ETS1: variants seen among roughly 807,000 people sequenced by gnomAD.
ETS1 encodes the protein ETS proto-oncogene 1, transcription factor, also known as protein C-ets-1.
ETS1 carries 15 observed loss-of-function variants against 58.6 expected under a neutral mutation model. The ratio of observed to expected loss-of-function variants is 0.26; its 90% CI spans 0.17 to 0.39. The LOEUF (loss-of-function observed/expected upper bound fraction) is 0.39, where lower values mean the gene tolerates loss of function less well. Among genes scored for constraint, ETS1 ranks in the 10% least tolerant of loss-of-function variants. The pLI is 1.00. For synonymous variants in ETS1, 214 were observed against 218.2 expected (o/e 0.98, Z 0.17); for missense variants, 417 against 610.5 (o/e 0.68, Z 3.34).
rs1399369903 is a variant in ETS1 at position 128,549,189 on chromosome 11, C to T, written c.214+7102G>A. On this transcript the variant is annotated intron_variant, in intron 3 of 9. Transcript: ENST00000392668. This position sits in a 1 kb window ranked among gnomAD's most constrained non-coding sequence, Gnocchi z 4.3. ...ACATCTGGAGAGAGAGCCCGTGTCT[C>T]TAGGCGGCCAGACACAGCACTACAG... Among the ~76,000 whole-genome samples, 1 of 152,224 alleles carries T rather than the reference C, an allele frequency of 6.6e-6. No homozygotes were observed. Among genetic ancestry groups the T allele is most frequent in the Non-Finnish European group, 1.5e-5 (1 of 68,030 alleles).
intron 7 of ETS1, among the ~76,000 whole-genome samples, chr11:128,483,379 C>T (rs1423670037): frequency 6.6e-6 from 1 of 152,168 alleles, no homozygotes; most frequent in Admixed American, 6.5e-5. Context: ...CATGGCTGAG[C>T]CCAAACCCAC....
chr11:128,505,599 C>T (rs745570231), intron 3 of ETS1, among the ~76,000 whole-genome samples: 16 of 152,168 alleles, frequency 1.1e-4, no homozygotes, highest in Non-Finnish European at 2.1e-4. Flanking sequence ...GGGCAGACAG[C>T]CTCAGACGCC....
At chr11:128,529,999 C>A (rs1002008596) in intron 3 of ETS1, 2 of 152,112 alleles carry the variant, frequency 1.3e-5, no homozygotes, top group Admixed American at 6.5e-5. Context: ...TATGCAGGAA[C>A]ATAAATTCAT....
At chr11:128,483,813 G>A (rs1862553715) in intron 7 of ETS1, among the ~76,000 whole-genome samples, 2 of 152,186 alleles carry the variant, frequency 1.3e-5, no homozygotes, top group African/African-American at 2.4e-5. Flanking sequence ...GTCAGTCATT[G>A]AGCAGAAATC....
intron 3 of ETS1, among the ~76,000 whole-genome samples, chr11:128,520,967 T>C (rs1863651737): frequency 6.6e-6 from 1 of 152,172 alleles, no homozygotes; most frequent in Admixed American, 6.5e-5. Flanking sequence ...GCCTTCTCCC[T>C]AGATCTTTCT....
Position 128,463,483 on chromosome 11 carries a change from G to T in ETS1, c.1242+26C>A. 1 of 1,257,036 alleles carries T rather than the reference G, an allele frequency of 8.0e-7. No homozygotes were observed. Among genetic ancestry groups the T allele is most frequent in the Non-Finnish European group, 1.2e-6 (1 of 854,360 alleles). The allele number at this position is 1,257,036 out of a possible 1,614,324, so 77.9% of individuals were successfully genotyped here. On this transcript the variant is annotated intron_variant, in intron 9 of 9. Transcript: ENST00000392668. The surrounding 1 kb of genome is among the most constrained non-coding windows in gnomAD (Gnocchi z 4.1). ...TTTTCTCTCATCCTTCCTCAACACAGTACTCGCAAGCCCCTCCTTCCTTAC... is the reference window on the plus strand; with the variant it reads ...TTTTCTCTCATCCTTCCTCAACACATTACTCGCAAGCCCCTCCTTCCTTAC...
intron 3 of ETS1, among the ~76,000 whole-genome samples, chr11:128,545,553 C>T (rs1432171716): frequency 6.6e-6 from 1 of 152,066 alleles, no homozygotes; most frequent in Non-Finnish European, 1.5e-5. Flanking sequence ...AGCAAAAGAC[C>T]ACATATGTGC....
At chr11:128,557,171 G>A (rs1017915626) in intron 2 of ETS1, among the ~76,000 whole-genome samples, 1 of 152,058 alleles carries the variant, frequency 6.6e-6, no homozygotes, top group Non-Finnish European at 1.5e-5. Context: ...ATGGAGCCTG[G>A]GCCTGTTCCT....
chr11:128,508,565 A>G (rs997036816), intron 3 of ETS1, among the ~76,000 whole-genome samples: 1 of 152,174 alleles, frequency 6.6e-6, no homozygotes, highest in Admixed American at 6.5e-5. Flanking sequence ...ATTACTTACT[A>G]TCAAGCACCC....
chr11:128,575,821 A>G (rs1371273700), intron 1 of ETS1, among the ~76,000 whole-genome samples: 1 of 152,232 alleles, frequency 6.6e-6, no homozygotes, highest in Non-Finnish European at 1.5e-5. Context: ...ACAAGTGGCA[A>G]AGGACCTTCA....
At chr11:128,506,447 C>A (rs1863235965) in intron 3 of ETS1, among the ~76,000 whole-genome samples, 1 of 152,158 alleles carries the variant, frequency 6.6e-6, no homozygotes, top group Admixed American at 6.5e-5. Flanking sequence ...TAGCTATATG[C>A]TCACAACAGA....
At chr11:128,468,874 T>A (rs12293821) in intron 8 of ETS1, among the ~76,000 whole-genome samples, 31,886 of 152,198 alleles carry the variant, frequency 0.21, 3,627 homozygotes, top group African/African-American at 0.22. Flanking sequence ...GTTGAATGAC[T>A]GTGTCATTTG....
intron 2 of ETS1, among the ~76,000 whole-genome samples, chr11:128,558,986 G>T (rs1011356872): frequency 6.6e-6 from 1 of 152,176 alleles, no homozygotes; most frequent in Non-Finnish European, 1.5e-5. Flanking sequence ...GGTCTTGAGT[G>T]AGAAAATTTT....
intron 2 of ETS1, among the ~76,000 whole-genome samples, chr11:128,569,318 C>CTTTTTTTTT (rs398018017): frequency 0.011 from 429 of 39,430 alleles, 114 homozygotes; most frequent in African/African-American, 0.024. Flanking sequence ...AGAGTTTCTT[C>CTTTTTTTTT]TTTTTTTTTT....
intron 8 of ETS1, among the ~76,000 whole-genome samples, chr11:128,470,222 A>C (rs979095319): frequency 1.3e-5 from 2 of 152,194 alleles, no homozygotes; most frequent in African/African-American, 4.8e-5. Context: ...TTAGATCAAA[A>C]ACGAAAGGAG....
intron 3 of ETS1, among the ~76,000 whole-genome samples, chr11:128,515,951 G>C (rs972330091): frequency 6.6e-6 from 1 of 152,170 alleles, no homozygotes; most frequent in Non-Finnish European, 1.5e-5. Context: ...TGGGAAATAT[G>C]ACAGCGTTGG....
intron 8 of ETS1, among the ~76,000 whole-genome samples, chr11:128,473,708 C>T (rs1197144219): frequency 6.6e-6 from 1 of 152,170 alleles, no homozygotes; most frequent in Non-Finnish European, 1.5e-5. Context: ...ATGCAAGTCA[C>T]CTTAGGGAGA....
At chr11:128,522,968 G>C (rs12276431) in intron 3 of ETS1, among the ~76,000 whole-genome samples, 3 of 152,140 alleles carry the variant, frequency 2.0e-5, no homozygotes, top group African/African-American at 7.2e-5. Flanking sequence ...TGGCAGGGGA[G>C]TCCAGAACGG....
chr11:128,556,321 C>A lies in ETS1; in HGVS notation c.184G>T (p.Val62Phe). 1.2e-6 allele frequency: 2 copies of A among 1,613,380 alleles called. No homozygotes were observed. The highest frequency in any genetic ancestry group is 8.5e-7 in the Non-Finnish European group (1 of 1,179,612). ...PFWDEMATQE[V>F]PTGLEHCVSD... ...ACACAGTGTTCAAGACCAGTAGGAA[C>A]TTCCTGAGTTGCCATCTCATCCCAA... The change falls in exon 3 of 10, where the codon GTT becomes TTT. Residue 62 changes from valine (V) to phenylalanine (F), a missense_variant. By Grantham distance (50) the Val-to-Phe change is conservative. Transcript: ENST00000392668.
Sources: allele counts gnomAD v4.1 joint callset (sites outside exome capture counted in the v4.1 genomes callset), GRCh38; gene constraint gnomAD v4.1.1; non-coding constraint Gnocchi (gnomAD v3.1); transcripts MANE v1.5; gene names NCBI Gene and HGNC (gene_info 2026-07-23, HGNC 2026-07-21).